Variants in SORT1 observed in about 807,000 individuals in gnomAD.
SORT1 encodes the protein sortilin.
In SORT1, 39 loss-of-function variants were observed where a neutral mutation model predicts 101.7. That is an observed-to-expected ratio of 0.38 (90% confidence interval 0.30 to 0.50). The LOEUF (loss-of-function observed/expected upper bound fraction) is 0.50, where lower values mean the gene tolerates loss of function less well. Among genes scored for constraint, SORT1 ranks in the 20% least tolerant of loss-of-function variants. The pLI is 0.90. For synonymous variants in SORT1, 396 were observed against 393.7 expected, an observed-to-expected ratio of 1.01 and a Z score of -0.07; for missense variants, 878 against 1,040.4, an observed-to-expected ratio of 0.84 and a Z score of 2.15.
chr1:109,377,022 GT>G (rs1191844367), intron 1 of SORT1, among the ~76,000 whole-genome samples: 1 of 152,148 alleles, frequency 6.6e-6, no homozygotes, highest in Non-Finnish European at 1.5e-5. Context: ...GACAGCCTAA[GT>G]CCCATCTTTC....
At chr1:109,352,223 T>C (rs1417852826) in intron 5 of SORT1, among the ~76,000 whole-genome samples, 1 of 152,000 alleles carries the variant, frequency 6.6e-6, no homozygotes, top group African/African-American at 2.4e-5. Flanking sequence ...ATATGATGCA[T>C]TAGGGGAAAG....
intron 8 of SORT1, among the ~76,000 whole-genome samples, chr1:109,342,409 C>T (rs898040376): frequency 3.3e-4 from 50 of 152,130 alleles, no homozygotes; most frequent in African/African-American, 1.0e-3. Flanking sequence ...CATTCTGATG[C>T]GGCCCTGTAA....
At chr1:109,344,089 C>A (rs1293384438) in intron 8 of SORT1, among the ~76,000 whole-genome samples, 1 of 152,114 alleles carries the variant, frequency 6.6e-6, no homozygotes, top group East Asian at 1.9e-4. Flanking sequence ...TCTCACAACC[C>A]ACATCAAATC....
chr1:109,396,519 G>T (rs1019438732), intron 1 of SORT1, among the ~76,000 whole-genome samples: 4 of 152,108 alleles, frequency 2.6e-5, no homozygotes, highest in African/African-American at 9.7e-5. Flanking sequence ...AATTATTCCT[G>T]AATATTTGTG....
intron 15 of SORT1, 45 bp from the exon 16 acceptor site, chr1:109,318,014 A>C: frequency 8.1e-7 from 1 of 1,234,996 alleles, no homozygotes; most frequent in South Asian, 1.2e-5. Flanking sequence ...CAGCTGGAAG[A>C]CCGTTAAGTG....
At chr1:109,333,219 C>T (rs539905400) in intron 11 of SORT1, among the ~76,000 whole-genome samples, 2 of 152,306 alleles carry the variant, frequency 1.3e-5, no homozygotes, top group South Asian at 4.1e-4. Flanking sequence ...AGCCACCACA[C>T]CTGGCCTCAA....
intron 10 of SORT1, among the ~76,000 whole-genome samples, 164 bp downstream of exon 10, chr1:109,340,560 T>TA (rs1437463072): frequency 6.6e-6 from 1 of 151,752 alleles, no homozygotes; most frequent in Non-Finnish European, 1.5e-5. Context: ...CAAATTTTGT[T>TA]AGACATATTG....
intron 2 of SORT1, chr1:109,368,368 G>A (rs1457246736): frequency 6.6e-6 from 1 of 151,472 alleles, no homozygotes; most frequent in Non-Finnish European, 1.5e-5. Context: ...TGGAAATTAG[G>A]GTACAACTCA....
chr1:109,360,465 T>A (rs1037246559), intron 3 of SORT1, among the ~76,000 whole-genome samples: 2 of 151,852 alleles, frequency 1.3e-5, no homozygotes, highest in Non-Finnish European at 1.5e-5. Flanking sequence ...CCCAAGTAGC[T>A]AGGACTACAG....
At chr1:109,317,372 T>G (rs1441369422) in intron 16 of SORT1, among the ~76,000 whole-genome samples, 1 of 152,220 alleles carries the variant, frequency 6.6e-6, no homozygotes, top group African/African-American at 2.4e-5. Flanking sequence ...TCGGTTACAC[T>G]AGTGTCCACA....
intron 9 of SORT1, 59 bp downstream of exon 9, chr1:109,341,955 A>C: frequency 3.3e-6 from 5 of 1,514,650 alleles, no homozygotes; most frequent in Non-Finnish European, 4.6e-6. Context: ...GTAAAAATAA[A>C]AGCTGCTCAA....
intron 8 of SORT1, 93 bp from the exon 9 acceptor site, chr1:109,342,251 T>C: frequency 1.1e-6 from 1 of 928,830 alleles, no homozygotes; most frequent in Middle Eastern, 3.4e-4. Flanking sequence ...ACTACTATTA[T>C]CCATTTCTCT....
chr1:109,327,212 G>C, intron 12 of SORT1, 52 bp from the exon 13 acceptor site: 1 of 1,361,322 alleles, frequency 7.3e-7, no homozygotes, highest in Non-Finnish European at 1.0e-6. Context: ...GAAACAGAGA[G>C]CATTTACTCC....
chr1:109,318,656 T>G (rs56994119), intron 15 of SORT1, among the ~76,000 whole-genome samples: 3,606 of 150,984 alleles, frequency 0.024, 152 homozygotes, highest in African/African-American at 0.083. Context: ...TTTCTTTTCT[T>G]CCCCCTCCCC....
At chr1:109,341,082 G>A (rs1649188010) in intron 9 of SORT1, among the ~76,000 whole-genome samples, 1 of 152,302 alleles carries the variant, frequency 6.6e-6, no homozygotes, top group East Asian at 1.9e-4. Context: ...ACCCAGCTTA[G>A]TGCCTGGAAT....
chr1:109,321,859 A>G (rs774197697), intron 15 of SORT1, among the ~76,000 whole-genome samples: 2 of 152,182 alleles, frequency 1.3e-5, no homozygotes, highest in African/African-American at 2.4e-5. Context: ...CCAGGGACTC[A>G]TGCCCTTATA....
At chr1:109,374,292 T>A (rs1231964171) in intron 1 of SORT1, among the ~76,000 whole-genome samples, 1 of 151,934 alleles carries the variant, frequency 6.6e-6, no homozygotes, top group Admixed American at 6.6e-5. Flanking sequence ...TAAAATTTTT[T>A]AAAGACCCAG....
chr1:109,334,945 T>C (rs1648712625), intron 11 of SORT1, among the ~76,000 whole-genome samples: 1 of 152,194 alleles, frequency 6.6e-6, no homozygotes, highest in Non-Finnish European at 1.5e-5. Context: ...TATATTTTAC[T>C]ACTATTTTTT....
intron 3 of SORT1, among the ~76,000 whole-genome samples, chr1:109,364,334 TAACTC>T (rs1461405084): frequency 6.6e-6 from 1 of 152,172 alleles, no homozygotes; most frequent in African/African-American, 2.4e-5. Flanking sequence ...GTATAGAAGA[TAACTC>T]AACCTAGAGA....
Sources: gnomAD v4.1 joint callset for allele counts (sites outside exome capture counted in the v4.1 genomes callset) on GRCh38, gnomAD v4.1.1 for gene constraint, MANE v1.5 for transcripts, NCBI Gene and HGNC (gene_info 2026-07-23, HGNC 2026-07-21) for gene names.